Variants in THEMIS observed in about 807,000 individuals in gnomAD.
THEMIS encodes thymocyte selection associated.
THEMIS carries 37 observed loss-of-function variants against 52.6 expected under a neutral mutation model. The observed-to-expected ratio is 0.70, with a 90% CI of 0.54 to 0.93. The LOEUF (loss-of-function observed/expected upper bound fraction) is 0.93. THEMIS is among the 40% of genes least tolerant of loss of function. THEMIS has a pLI of 0.00. For missense variants in THEMIS, 808 were observed against 763.1 expected (o/e 1.06, Z -0.69); for synonymous variants, 292 against 272.7 (o/e 1.07, Z -0.70).
At chr6:127,824,744 G>A (rs1258283564) in intron 3 of THEMIS, among the ~76,000 whole-genome samples, 1 of 152,150 alleles carries the variant, frequency 6.6e-6, no homozygotes, top group African/African-American at 2.4e-5. Context: ...TGATCCGCCC[G>A]CCTCGGCCCC....
At chr6:127,762,653 T>C (rs1225433146) in intron 4 of THEMIS, among the ~76,000 whole-genome samples, 1 of 152,064 alleles carries the variant, frequency 6.6e-6, no homozygotes, top group Admixed American at 6.6e-5. Flanking sequence ...TCTTGCTCAC[T>C]TCATTCCCTG....
intron 4 of THEMIS, among the ~76,000 whole-genome samples, chr6:127,739,498 G>C (rs887855018): frequency 6.6e-6 from 1 of 152,056 alleles, no homozygotes; most frequent in Non-Finnish European, 1.5e-5. Context: ...AAAATTAGCC[G>C]GGTGTGGTGG....
chr6:127,746,379 C>A (rs546168666), intron 4 of THEMIS, among the ~76,000 whole-genome samples: 1 of 151,606 alleles, frequency 6.6e-6, no homozygotes, highest in Non-Finnish European at 1.5e-5. Context: ...AGCAATCTGC[C>A]ACACAGACAC....
At chr6:127,867,530 A>C (rs138188031) in intron 1 of THEMIS, among the ~76,000 whole-genome samples, 2 of 152,234 alleles carry the variant, frequency 1.3e-5, no homozygotes, top group East Asian at 3.9e-4. Flanking sequence ...GAGAAGAGAA[A>C]ACATTCCATT....
chr6:127,709,902 A>C lies in THEMIS; in HGVS notation c.*83T>G, dbSNP rs1237514689. 1.6e-6 allele frequency: 2 copies of C among 1,239,044 alleles called. No homozygotes were observed. Among genetic ancestry groups the C allele is most frequent in the East Asian group, 4.8e-5 (2 of 41,698 alleles). The allele number at this position is 1,239,044 out of a possible 1,614,324, so 76.8% of individuals were successfully genotyped here. A position where few individuals can be genotyped will look rare whatever the true frequency, so the allele number is the denominator to read the frequency against. ...TTTCTTCTGGAGTCCATTGGGGAAT[A>C]CTCGTTTTTCAGCTAGAAGGCTAGC... On this transcript the variant is annotated 3_prime_UTR_variant, in exon 6 of 6. Transcript: ENST00000368248.
intron 4 of THEMIS, among the ~76,000 whole-genome samples, chr6:127,727,713 A>G (rs572658299): frequency 5.9e-4 from 90 of 152,254 alleles, no homozygotes; most frequent in Admixed American, 2.2e-3. Flanking sequence ...AAGCCTTCAA[A>G]TTACTGTATA....
Position 127,813,464 on chromosome 6 carries a change from G to C in THEMIS, c.1177C>G (p.Gln393Glu), listed in dbSNP as rs754021760. ...VSVGDQFLVH[Q>E]SETTEVLCEG... ...CAGAGGACTTCAGTCGTCTCTGACT[G>C]ATGCACCAGAAACTGGTCCCCAACA... The change falls in exon 4 of 6, where the codon CAG becomes GAG. Residue 393 changes from glutamine to glutamate, a missense_variant. Transcript: ENST00000368248. The C allele has an allele frequency of 6.2e-7, 1 of 1,613,974 alleles. No individual in the cohort carries two copies. Among genetic ancestry groups the C allele is most frequent in the South Asian group, 1.1e-5 (1 of 91,060 alleles).
At chr6:127,858,831 C>G (rs1411359246) in intron 1 of THEMIS, among the ~76,000 whole-genome samples, 5 of 152,116 alleles carry the variant, frequency 3.3e-5, no homozygotes, top group Admixed American at 3.3e-4. Flanking sequence ...TAATGCCAAA[C>G]ATCAGAGAAA....
At chr6:127,712,331 T>C (rs920860085) in intron 5 of THEMIS, among the ~76,000 whole-genome samples, 2 of 151,924 alleles carry the variant, frequency 1.3e-5, no homozygotes, top group Admixed American at 6.6e-5. Context: ...AGTGCAGTGG[T>C]CCTCTAAATT....
chr6:127,697,964 A>G, the THEMIS span, among the ~76,000 whole-genome samples: 1 of 152,144 alleles, frequency 6.6e-6, no homozygotes, highest in African/African-American at 2.4e-5. Context: ...TCCTGGGCTT[A>G]TGTATGTTTG....
intron 4 of THEMIS, among the ~76,000 whole-genome samples, chr6:127,753,653 A>G (rs879427540): frequency 6.6e-6 from 1 of 152,102 alleles, no homozygotes; most frequent in African/African-American, 2.4e-5. Flanking sequence ...CTTGTAAAGG[A>G]AAAACAAAGC....
chr6:127,765,459 A>C (rs955199261), intron 4 of THEMIS, among the ~76,000 whole-genome samples: 1 of 152,120 alleles, frequency 6.6e-6, no homozygotes, highest in Non-Finnish European at 1.5e-5. Flanking sequence ...TAAATTATGA[A>C]TTATTACCAG....
intron 4 of THEMIS, among the ~76,000 whole-genome samples, chr6:127,720,140 T>G: frequency 6.6e-6 from 1 of 152,062 alleles, no homozygotes; most frequent in East Asian, 1.9e-4. Context: ...ACTTAGTTTT[T>G]ATTATTATAG....
Position 127,757,505 on chromosome 6 carries a change from C to T in THEMIS, c.1759-37682G>A, listed in dbSNP as rs184265361. Reference sequence around the variant, plus strand: ...ACTTTTTTTTTTTTCTTTTTTGAGACGGAGTCTCGCTTTGTCGCCCAGGCT... The same window carrying T: ...ACTTTTTTTTTTTTCTTTTTTGAGATGGAGTCTCGCTTTGTCGCCCAGGCT... On this transcript the variant is annotated intron_variant, in intron 4 of 5. Transcript: ENST00000368248. Among the ~76,000 whole-genome samples the T allele has an allele frequency of 3.6e-3, 544 of 150,368 alleles. 3 individuals carry two copies. Among genetic ancestry groups the T allele is most frequent in the African/African-American group, 0.012 (478 of 40,906 alleles).
At chr6:127,729,035 G>A (rs924703800) in intron 4 of THEMIS, among the ~76,000 whole-genome samples, 1 of 151,590 alleles carries the variant, frequency 6.6e-6, no homozygotes. Context: ...TGCCTCACTT[G>A]TTTCCCTATC....
At chr6:127,712,436 C>A (rs1201976454) in intron 5 of THEMIS, among the ~76,000 whole-genome samples, 2 of 151,882 alleles carry the variant, frequency 1.3e-5, no homozygotes, top group Non-Finnish European at 2.9e-5. Context: ...TTCAGGAAAT[C>A]TCAAAATGTG....
upstream of THEMIS, among the ~76,000 whole-genome samples, chr6:127,901,896 G>A (rs1367566932): frequency 6.6e-6 from 1 of 152,024 alleles, no homozygotes; most frequent in Non-Finnish European, 1.5e-5. Flanking sequence ...ACCAAAGGAA[G>A]CAGGAGAAAA....
intron 4 of THEMIS, among the ~76,000 whole-genome samples, chr6:127,790,634 G>A (rs1777124614): frequency 6.6e-6 from 1 of 152,146 alleles, no homozygotes; most frequent in Admixed American, 6.5e-5. Context: ...GGTCGGTGGT[G>A]CCTTTGTCTG....
chr6:127,737,922 G>A (rs755539974), intron 4 of THEMIS, among the ~76,000 whole-genome samples: 5 of 152,176 alleles, frequency 3.3e-5, no homozygotes, highest in Admixed American at 2.0e-4. Flanking sequence ...TTTATACAAC[G>A]TGCTTGTGCA....
Sources: allele counts gnomAD v4.1 joint callset (sites outside exome capture counted in the v4.1 genomes callset), GRCh38; gene constraint gnomAD v4.1.1; transcripts MANE v1.5; gene names NCBI Gene and HGNC (gene_info 2026-07-23, HGNC 2026-07-21).